Variants in BMPR1B observed in about 807,000 individuals in gnomAD.
BMPR1B encodes the protein bone morphogenetic protein receptor type 1B, also known as bone morphogenetic protein receptor type-1B.
In BMPR1B, 12 loss-of-function variants were observed where a neutral mutation model predicts 59.1. The observed-to-expected ratio is 0.20, with a 90% CI of 0.13 to 0.33. BMPR1B has a LOEUF of 0.33. Among genes scored for constraint, BMPR1B ranks in the 10% least tolerant of loss-of-function variants. The pLI is 1.00. For synonymous variants in BMPR1B, 237 were observed against 207.3 expected (o/e 1.14, Z -1.23); for missense variants, 550 against 610.9 (o/e 0.90, Z 1.05).
At chr4:95,084,560 T>C (rs1489018597) in intron 3 of BMPR1B, among the ~76,000 whole-genome samples, 2 of 152,138 alleles carry the variant, frequency 1.3e-5, no homozygotes, top group Non-Finnish European at 2.9e-5. Flanking sequence ...TTTGGAATAT[T>C]TTGAAGTTAC....
chr4:95,007,217 T>C (rs1424218644), intron 3 of BMPR1B, among the ~76,000 whole-genome samples: 1 of 152,204 alleles, frequency 6.6e-6, no homozygotes, highest in Non-Finnish European at 1.5e-5. Context: ...GCAGGTCAGA[T>C]TTTCAAGCTT....
chr4:94,965,617 T>C (rs1730525652), intron 2 of BMPR1B, among the ~76,000 whole-genome samples: 1 of 152,184 alleles, frequency 6.6e-6, no homozygotes, highest in African/African-American at 2.4e-5. Flanking sequence ...TTGAAAGAGA[T>C]TGGAGAAAAC....
intron 2 of BMPR1B, among the ~76,000 whole-genome samples, chr4:94,925,501 A>G (rs1423423976): frequency 6.6e-6 from 1 of 152,132 alleles, no homozygotes; most frequent in African/African-American, 2.4e-5. Flanking sequence ...AACCTTAGCC[A>G]GTCATATCCT....
intron 2 of BMPR1B, among the ~76,000 whole-genome samples, chr4:94,959,362 A>G (rs960645217): frequency 6.6e-6 from 1 of 152,148 alleles, no homozygotes; most frequent in Non-Finnish European, 1.5e-5. Context: ...CCTTGAAACA[A>G]TGTGTTCAAA....
intron 4 of BMPR1B, among the ~76,000 whole-genome samples, chr4:95,106,499 G>C (rs1378913664): frequency 6.6e-6 from 1 of 152,028 alleles, no homozygotes; most frequent in Non-Finnish European, 1.5e-5. Context: ...AGAAGATAGA[G>C]CTGTATGATG....
chr4:95,097,032 AAT>A (rs553155517), intron 3 of BMPR1B, among the ~76,000 whole-genome samples: 183 of 145,444 alleles, frequency 1.3e-3, no homozygotes, highest in African/African-American at 4.2e-3. Context: ...TAGTTTATAT[AAT>A]ATAGTTATAT....
intron 2 of BMPR1B, among the ~76,000 whole-genome samples, chr4:94,919,081 G>A (rs919506620): frequency 6.6e-6 from 1 of 152,050 alleles, no homozygotes; most frequent in Non-Finnish European, 1.5e-5. Flanking sequence ...ATAACGTGAT[G>A]CATCATGTTA....
intron 3 of BMPR1B, among the ~76,000 whole-genome samples, chr4:95,081,743 A>G (rs1729155047): frequency 6.6e-6 from 1 of 152,172 alleles, no homozygotes; most frequent in South Asian, 2.1e-4. Flanking sequence ...TTAAAGAATA[A>G]CCACTCATAT....
chr4:94,862,214 G>A (rs187215458), intron 1 of BMPR1B, among the ~76,000 whole-genome samples: 1 of 151,742 alleles, frequency 6.6e-6, no homozygotes, highest in Admixed American at 6.6e-5. Flanking sequence ...ACAGTGGCAC[G>A]GTCTTGGCTC....
intron 1 of BMPR1B, among the ~76,000 whole-genome samples, chr4:94,790,196 T>G (rs1248788366): frequency 1.3e-5 from 2 of 152,176 alleles, no homozygotes; most frequent in Non-Finnish European, 2.9e-5. Context: ...ACATGGACTT[T>G]CAGCTGCACA....
At chr4:94,886,312 G>A (rs1367311126) in intron 2 of BMPR1B, among the ~76,000 whole-genome samples, 1 of 152,090 alleles carries the variant, frequency 6.6e-6, no homozygotes, top group Non-Finnish European at 1.5e-5. Flanking sequence ...TCTGAAGTCT[G>A]GTTTAAATTT....
intron 1 of BMPR1B, among the ~76,000 whole-genome samples, chr4:94,848,922 A>G (rs1227962129): frequency 6.6e-6 from 1 of 152,242 alleles, no homozygotes; most frequent in African/African-American, 2.4e-5. Context: ...TGGAGTTCCC[A>G]TTCATAAGGC....
intron 11 of BMPR1B, among the ~76,000 whole-genome samples, chr4:95,151,537 T>C (rs1735042000): frequency 6.6e-6 from 1 of 152,164 alleles, no homozygotes; most frequent in Non-Finnish European, 1.5e-5. Flanking sequence ...ATAATACATA[T>C]AATTAGCTCT....
At chr4:94,852,893 T>C (rs998452001) in intron 1 of BMPR1B, among the ~76,000 whole-genome samples, 1 of 152,180 alleles carries the variant, frequency 6.6e-6, no homozygotes, top group Non-Finnish European at 1.5e-5. Context: ...ATGGAGACCA[T>C]GTGTGGAATT....
chr4:94,995,018 A>G (rs1007510987), intron 2 of BMPR1B, among the ~76,000 whole-genome samples: 1 of 152,190 alleles, frequency 6.6e-6, no homozygotes, highest in Non-Finnish European at 1.5e-5. Flanking sequence ...CTTTGATTTA[A>G]TCAAGAGAAA....
chr4:94,912,166 C>T lies in BMPR1B; in HGVS notation c.-113+36266C>T, dbSNP rs560489454. ...ATGAGAACAGTATGGGGGAAAGCACCCCCATGATTGAATTATCTCCCACCG... is the reference window on the plus strand; with the variant it reads ...ATGAGAACAGTATGGGGGAAAGCACTCCCATGATTGAATTATCTCCCACCG... On this transcript the variant is annotated intron_variant, in intron 2 of 12. Transcript: ENST00000515059. Among the ~76,000 whole-genome samples, 7 of 152,048 alleles carry T rather than the reference C, an allele frequency of 4.6e-5. No individual in the cohort carries two copies. In the South Asian group the frequency reaches 1.5e-3, roughly 32 times the overall value.
chr4:94,876,882 T>C (rs1726753551), intron 2 of BMPR1B, among the ~76,000 whole-genome samples: 1 of 152,210 alleles, frequency 6.6e-6, no homozygotes, highest in African/African-American at 2.4e-5. Flanking sequence ...TCCTTATAAA[T>C]CTACTCAGTA....
intron 1 of BMPR1B, among the ~76,000 whole-genome samples, chr4:94,788,864 T>C (rs1273053730): frequency 6.6e-6 from 1 of 152,210 alleles, no homozygotes; most frequent in African/African-American, 2.4e-5. Context: ...CTTGCTCTTC[T>C]TCCTCTTCGG....
At chr4:94,760,287 C>G (rs1031341952) in intron 1 of BMPR1B, among the ~76,000 whole-genome samples, 1 of 152,262 alleles carries the variant, frequency 6.6e-6, no homozygotes, top group South Asian at 2.1e-4. Context: ...CCCTGAGTGA[C>G]GTGCTGCCAC....
Sources: gnomAD v4.1 joint callset for allele counts (sites outside exome capture counted in the v4.1 genomes callset) on GRCh38, gnomAD v4.1.1 for gene constraint, MANE v1.5 for transcripts, NCBI Gene and HGNC (gene_info 2026-07-23, HGNC 2026-07-21) for gene names.